The following LARGE1 variants were observed in gnomAD, a reference collection of about 807,000 sequenced individuals.
LARGE1 encodes xylosyl- and glucuronyltransferase LARGE1.
In LARGE1, 43 loss-of-function variants were observed where a neutral mutation model predicts 87.6. The ratio of observed to expected loss-of-function variants is 0.49; its 90% CI spans 0.38 to 0.63. The LOEUF (loss-of-function observed/expected upper bound fraction) is 0.63, where lower values mean the gene tolerates loss of function less well. Ranked by LOEUF, LARGE1 falls within the 30% of genes least tolerant of loss-of-function variation. The probability of loss-of-function intolerance (pLI) is 0.00; values close to 1 mark genes in which losing one functional copy is unlikely to be tolerated. For synonymous variants in LARGE1, 434 were observed against 394.6 expected (o/e 1.10, Z -1.18); for missense variants, 802 against 1,000.2 (o/e 0.80, Z 2.67).
At chr22:33,884,588 C>T (rs2064791592) in intron 1 of LARGE1, among the ~76,000 whole-genome samples, 1 of 152,226 alleles carries the variant, frequency 6.6e-6, no homozygotes, top group African/African-American at 2.4e-5. Context: ...TGGGGAGGCC[C>T]TGAAAGGCCA....
chr22:33,885,519 C>A (rs765614201), intron 1 of LARGE1, among the ~76,000 whole-genome samples: 2 of 152,188 alleles, frequency 1.3e-5, no homozygotes, highest in Non-Finnish European at 2.9e-5. Flanking sequence ...TACGTAACTA[C>A]TGATATTGAT....
intron 12 of LARGE1, among the ~76,000 whole-genome samples, chr22:33,290,427 C>G (rs1351523312): frequency 6.6e-6 from 1 of 152,196 alleles, no homozygotes; most frequent in African/African-American, 2.4e-5. Flanking sequence ...ATTTCCGTAT[C>G]TGTAACATGG....
At chr22:33,784,301 C>T (rs2085527627) in intron 1 of LARGE1, among the ~76,000 whole-genome samples, 1 of 152,110 alleles carries the variant, frequency 6.6e-6, no homozygotes, top group African/African-American at 2.4e-5. Context: ...TACTAAAATC[C>T]AACCCTGTAA....
intron 11 of LARGE1, among the ~76,000 whole-genome samples, chr22:33,172,214 T>C (rs562368994): frequency 5.3e-5 from 8 of 152,242 alleles, no homozygotes; most frequent in Non-Finnish European, 1.0e-4. Context: ...ACCCCCATTG[T>C]ATCTTGGAAG....
intron 11 of LARGE1, among the ~76,000 whole-genome samples, chr22:33,244,237 C>T (rs1411056641): frequency 2.6e-5 from 4 of 151,938 alleles, no homozygotes; most frequent in African/African-American, 4.8e-5. Flanking sequence ...CCTCGTGATC[C>T]GCCCACTTCG....
chr22:33,533,172 TC>T, intron 6 of LARGE1, among the ~76,000 whole-genome samples: 1 of 152,152 alleles, frequency 6.6e-6, no homozygotes, highest in Non-Finnish European at 1.5e-5. Context: ...GTACCAGTCT[TC>T]CGGGAGCTAA....
At chr22:33,241,731 C>G (rs1030008340) in intron 11 of LARGE1, among the ~76,000 whole-genome samples, 3 of 151,904 alleles carry the variant, frequency 2.0e-5, no homozygotes, top group Non-Finnish European at 4.4e-5. Flanking sequence ...TGTCATTTAA[C>G]ACAATATGGA....
chr22:33,247,047 A>ATGTGTGTG (rs10532057), intron 11 of LARGE1, among the ~76,000 whole-genome samples: 201 of 146,274 alleles, frequency 1.4e-3, no homozygotes, highest in African/African-American at 4.6e-3. Flanking sequence ...TGCAGCCAGT[A>ATGTGTGTG]TGTGTGTGTG....
At chr22:33,174,471 A>T (rs1168586420) in intron 11 of LARGE1, among the ~76,000 whole-genome samples, 3 of 152,176 alleles carry the variant, frequency 2.0e-5, no homozygotes, top group Non-Finnish European at 4.4e-5. Flanking sequence ...CTAGCAGAAG[A>T]CAAGAAATAA....
At chr22:33,317,378 C>T (rs1466636182) in intron 10 of LARGE1, among the ~76,000 whole-genome samples, 1 of 152,092 alleles carries the variant, frequency 6.6e-6, no homozygotes, top group Non-Finnish European at 1.5e-5. Context: ...TACTAGGTCT[C>T]GGAAAAAAAC....
At chr22:33,196,192 G>A (rs1924072148) in intron 11 of LARGE1, among the ~76,000 whole-genome samples, 2 of 148,946 alleles carry the variant, frequency 1.3e-5, no homozygotes, top group Admixed American at 6.7e-5. Context: ...GAGAAACAAC[G>A]GAGAAAGATA....
intron 9 of LARGE1, among the ~76,000 whole-genome samples, chr22:33,342,202 C>T (rs547436168): frequency 7.0e-4 from 106 of 152,098 alleles, no homozygotes; most frequent in Non-Finnish European, 1.0e-3. Context: ...GTCGTCTTTG[C>T]GAATGATTCC....
Position 33,770,759 on chromosome 22 carries a change from T to A in LARGE1, c.-82-9201A>T, listed in dbSNP as rs191145007. 2.1e-3 allele frequency among the ~76,000 whole-genome samples: 321 copies of A among 152,138 alleles called. 1 individual carries two copies. Among genetic ancestry groups the A allele is most frequent in the African/African-American group, 6.9e-3 (288 of 41,514 alleles). ...ATTGCTACTGCAGATTAAAAAAAAATTTTATGTGTATGTGTGTGCATGTGT... is the reference window on the plus strand; with the variant it reads ...ATTGCTACTGCAGATTAAAAAAAAAATTTATGTGTATGTGTGTGCATGTGT... On this transcript the variant is annotated intron_variant, in intron 1 of 14. Transcript: ENST00000397394.
At chr22:33,829,965 T>C (rs1389761435) in intron 1 of LARGE1, among the ~76,000 whole-genome samples, 1 of 152,110 alleles carries the variant, frequency 6.6e-6, no homozygotes, top group African/African-American at 2.4e-5. Context: ...AGATTATAGA[T>C]GACTTGTCCA....
At chr22:33,605,550 T>A (rs998565559) in intron 4 of LARGE1, among the ~76,000 whole-genome samples, 2 of 152,130 alleles carry the variant, frequency 1.3e-5, no homozygotes, top group African/African-American at 4.8e-5. Context: ...AAATAAGAAG[T>A]GCAAAATACG....
chr22:33,672,858 G>A (rs2081457905), intron 2 of LARGE1, among the ~76,000 whole-genome samples: 1 of 152,206 alleles, frequency 6.6e-6, no homozygotes, highest in African/African-American at 2.4e-5. Context: ...AGTTGGTGAA[G>A]AAGGCAGATA....
At chr22:33,876,090 A>G (rs765691078) in intron 1 of LARGE1, among the ~76,000 whole-genome samples, 11 of 152,194 alleles carry the variant, frequency 7.2e-5, no homozygotes, top group Non-Finnish European at 1.3e-4. Flanking sequence ...TGGAGCATGT[A>G]ATTTCTGTGT....
At chr22:33,823,619 T>G (rs2062701001) in intron 1 of LARGE1, among the ~76,000 whole-genome samples, 1 of 152,200 alleles carries the variant, frequency 6.6e-6, no homozygotes, top group Admixed American at 6.5e-5. Flanking sequence ...GCCCTCCGCA[T>G]CTGAGGACAC....
chr22:33,136,381 T>C, the LARGE1 span, among the ~76,000 whole-genome samples: 1 of 152,166 alleles, frequency 6.6e-6, no homozygotes, highest in South Asian at 2.1e-4. Flanking sequence ...TTTCCTCTTA[T>C]AAAACCATCA....
Sources: allele counts gnomAD v4.1 joint callset (sites outside exome capture counted in the v4.1 genomes callset), GRCh38; gene constraint gnomAD v4.1.1; transcripts MANE v1.5; gene names NCBI Gene and HGNC (gene_info 2026-07-23, HGNC 2026-07-21).